The following TOPBP1 variants were observed in gnomAD, a reference collection of about 807,000 sequenced individuals.
TOPBP1 encodes the protein DNA topoisomerase II binding protein 1, also known as DNA topoisomerase 2-binding protein 1.
TOPBP1 carries 28 observed loss-of-function variants against 167.7 expected under a neutral mutation model. The ratio of observed to expected loss-of-function variants is 0.17; its 90% CI spans 0.12 to 0.23. The LOEUF (loss-of-function observed/expected upper bound fraction) is 0.23, where lower values mean the gene tolerates loss of function less well. Among genes scored for constraint, TOPBP1 ranks in the 10% least tolerant of loss-of-function variants. TOPBP1 has a pLI of 1.00. For synonymous variants in TOPBP1, 598 were observed against 611.4 expected (o/e 0.98, Z 0.32); for missense variants, 1,554 against 1,809.6 (o/e 0.86, Z 2.56).
intron 27 of TOPBP1, among the ~76,000 whole-genome samples, chr3:133,602,237 G>A (rs1225786897): frequency 6.6e-6 from 1 of 152,178 alleles, no homozygotes; most frequent in African/African-American, 2.4e-5. Flanking sequence ...ATGGAGGCCA[G>A]CAGACAGTGA....
chr3:133,628,881 T>A, intron 14 of TOPBP1, 148 bp from the exon 15 acceptor site: 1 of 767,812 alleles, frequency 1.3e-6, no homozygotes, highest in South Asian at 2.0e-5. Context: ...GGATTACAGT[T>A]TAACTTCCTC....
chr3:133,629,537 G>A (rs971257413), intron 14 of TOPBP1, among the ~76,000 whole-genome samples: 26 of 152,084 alleles, frequency 1.7e-4, no homozygotes, highest in African/African-American at 6.3e-4. Context: ...GACGAGTCTG[G>A]GAAACACAGT....
At chr3:133,641,667 T>G (rs1452902592) in intron 12 of TOPBP1, among the ~76,000 whole-genome samples, 1 of 152,218 alleles carries the variant, frequency 6.6e-6, no homozygotes, top group Admixed American at 6.5e-5. Context: ...AAATATATTT[T>G]AATAACTGTT....
chr3:133,657,664 G>T, intron 4 of TOPBP1, 134 bp downstream of exon 4: 1 of 558,290 alleles, frequency 1.8e-6, no homozygotes, highest in Non-Finnish European at 2.9e-6. Context: ...TACACACTGT[G>T]GTTGTATACT....
chr3:133,616,739 T>A lies in TOPBP1; in HGVS notation c.3871+75A>T. 1.1e-5 allele frequency: 9 copies of A among 833,050 alleles called. No homozygotes were observed. In the South Asian group the frequency reaches 1.9e-4, roughly 17 times the overall value. The allele number at this position is 833,050 out of a possible 1,614,324, so 51.6% of individuals were successfully genotyped here. On this transcript the variant is annotated intron_variant, in intron 23 of 27. Transcript: ENST00000260810. ...CTACTTCTAGACTTTACAAATGATA[T>A]TAATATTGACTACATTTGACTTCCA...
intron 14 of TOPBP1, among the ~76,000 whole-genome samples, chr3:133,636,574 T>C (rs746602546): frequency 1.3e-5 from 2 of 152,214 alleles, no homozygotes; most frequent in African/African-American, 2.4e-5. Flanking sequence ...ATTGAGGCTA[T>C]TCAGAACTAT....
At chr3:133,634,412 G>C (rs773861077) in intron 14 of TOPBP1, among the ~76,000 whole-genome samples, 18 of 152,174 alleles carry the variant, frequency 1.2e-4, no homozygotes, top group Non-Finnish European at 2.1e-4. Context: ...GGGAGGCTGA[G>C]GCAGGAGAAT....
chr3:133,626,676 T>C (rs1174542385), intron 16 of TOPBP1, among the ~76,000 whole-genome samples: 5 of 152,196 alleles, frequency 3.3e-5, no homozygotes, highest in African/African-American at 7.2e-5. Context: ...TGCCTTTACA[T>C]AGGTATACAA....
chr3:133,657,333 C>A (rs1936510509), intron 4 of TOPBP1, among the ~76,000 whole-genome samples: 1 of 150,376 alleles, frequency 6.6e-6, no homozygotes, highest in Non-Finnish European at 1.5e-5. Context: ...GACAGTAAGA[C>A]CCTGTCCCAA....
chr3:133,621,168 C>G (rs541145763), intron 19 of TOPBP1, among the ~76,000 whole-genome samples: 1 of 152,062 alleles, frequency 6.6e-6, no homozygotes, highest in African/African-American at 2.4e-5. Flanking sequence ...TACATTACCA[C>G]GCCCAGCTAA....
At chr3:133,653,633 T>C in intron 6 of TOPBP1, 109 bp from the exon 7 acceptor site, 3 of 1,011,784 alleles carry the variant, frequency 3.0e-6, no homozygotes, top group African/African-American at 3.4e-5. Flanking sequence ...GTTAATATTT[T>C]TTTTTTTTTT....
At chr3:133,646,854 TCACTAAAAA>T (rs1215989815) in intron 10 of TOPBP1, among the ~76,000 whole-genome samples, 1 of 152,116 alleles carries the variant, frequency 6.6e-6, no homozygotes, top group Non-Finnish European at 1.5e-5. Flanking sequence ...TGAAACACTC[TCACTAAAAA>T]CACTTCAAAA....
chr3:133,629,195 C>T (rs1935377956), intron 14 of TOPBP1, among the ~76,000 whole-genome samples: 1 of 152,048 alleles, frequency 6.6e-6, no homozygotes, highest in Admixed American at 6.6e-5. Flanking sequence ...AAAATATATT[C>T]CTGTTCTAAA....
At chr3:133,654,162 C>T (rs1331480330) in intron 6 of TOPBP1, among the ~76,000 whole-genome samples, 1 of 152,128 alleles carries the variant, frequency 6.6e-6, no homozygotes, top group African/African-American at 2.4e-5. Context: ...CTTGGGTTTG[C>T]ATATAGGCTC....
intron 27 of TOPBP1, 143 bp downstream of exon 27, chr3:133,608,392 A>C: frequency 1.2e-6 from 1 of 863,860 alleles, no homozygotes; most frequent in East Asian, 2.6e-5. Flanking sequence ...ATAGAATAAA[A>C]CTGAAAGGGC....
chr3:133,617,691 A>G (rs888399565), intron 21 of TOPBP1, among the ~76,000 whole-genome samples: 5 of 152,200 alleles, frequency 3.3e-5, no homozygotes, highest in South Asian at 2.1e-4. Flanking sequence ...ATAAATCTAT[A>G]TATCTAATGG....
At chr3:133,653,929 G>T (rs898549976) in intron 6 of TOPBP1, among the ~76,000 whole-genome samples, 1 of 152,080 alleles carries the variant, frequency 6.6e-6, no homozygotes, top group Non-Finnish European at 1.5e-5. Flanking sequence ...ACCGCGCCCG[G>T]CTATAACAGG....
rs943507652 is a variant in TOPBP1 at position 133,615,305 on chromosome 3, A to C, written c.3871+1509T>G. On this transcript the variant is annotated intron_variant, in intron 23 of 27. Transcript: ENST00000260810. The stretch of plus-strand genomic sequence containing the variant: ...GCCAACATGGTGAAACCCTGTCTTT[A>C]CTAAAAATACAAAAATACAAAATTA... 1.9e-4 allele frequency among the ~76,000 whole-genome samples: 29 copies of C among 152,116 alleles called. 1 individual carries two copies. The highest frequency in any genetic ancestry group is 3.8e-4 in the Non-Finnish European group (26 of 68,024).
Position 133,649,529 on chromosome 3 carries a change from G to C in TOPBP1, c.1358C>G (p.Pro453Arg). 6.2e-7 allele frequency: 1 copy of C among 1,613,838 alleles called. No individual in the cohort carries two copies. Among genetic ancestry groups the C allele is most frequent in the Non-Finnish European group, 8.5e-7 (1 of 1,179,844 alleles). ...TTTACTTTCAGGCTTATGTGAAACT[G>C]GAATTTCCACTGGCTGGTAATTAGC... ...IHANYQPVEI[P>R]VSHKPESKAA... Residue 453 changes from proline (P) to arginine (R), a missense_variant, in exon 10 of 28, where the codon CCA (proline) becomes CGA (arginine). Physicochemically the swap from Pro to Arg is moderately radical, Grantham distance 103 (BLOSUM62 -2). Around this residue, in one of 3 missense-constraint regions of TOPBP1, gnomAD observed 1,197 missense variants for 1,351.5 expected, o/e 0.89. Coordinates refer to ENST00000260810, the MANE Select transcript of TOPBP1 (RefSeq NM_007027.4).
Sources: gnomAD v4.1 joint callset for allele counts (sites outside exome capture counted in the v4.1 genomes callset) on GRCh38, gnomAD v4.1.1 for gene constraint, gnomAD v4.1.1 regional missense constraint, MANE v1.5 for transcripts, NCBI Gene and HGNC (gene_info 2026-07-23, HGNC 2026-07-21) for gene names.